Variants in PRRC1 observed in about 807,000 individuals in gnomAD.
The protein encoded by PRRC1 is protein PRRC1.
Under a neutral mutation model 40.7 loss-of-function variants are expected in PRRC1, and 39 were observed. The ratio of observed to expected loss-of-function variants is 0.96; its 90% CI spans 0.74 to 1.25. The LOEUF (loss-of-function observed/expected upper bound fraction) is 1.25. PRRC1 is among the 50% of genes most tolerant of loss of function. The pLI, the probability that PRRC1 is intolerant of heterozygous loss-of-function variation, is 0.00. For synonymous variants in PRRC1, 175 were observed against 193.3 expected, an observed-to-expected ratio of 0.91 and a Z score of 0.79; for missense variants, 573 against 548.3, an observed-to-expected ratio of 1.05 and a Z score of -0.45.
Position 127,553,821 on chromosome 5 carries a change from A to G in PRRC1, c.*1905A>G, listed in dbSNP as rs1768455724. The G allele has an allele frequency of 1.3e-6, 2 of 1,535,584 alleles. No homozygotes were observed. Among genetic ancestry groups the G allele is most frequent in the African/African-American group, 1.4e-5 (1 of 73,020 alleles). On this transcript the variant is annotated 3_prime_UTR_variant, in exon 9 of 9. Transcript: ENST00000296666. ...GATGATTATTTTCCTAGAATCCCCA[A>G]AGAGCAGTGGCAGTCCATGGCTTGG... is the stretch of plus-strand genomic sequence containing the variant.
rs1371092619 is a variant in PRRC1 at position 127,532,169 on chromosome 5, T to G, written c.758-1454T>G. Among the ~76,000 whole-genome samples the G allele has an allele frequency of 4.6e-5, 7 of 150,888 alleles. No homozygotes were observed. The East Asian group carries it at 1.4e-3, about 30-fold the overall frequency. On this transcript the variant is annotated intron_variant, in intron 5 of 8. Coordinates refer to ENST00000296666, the MANE Select transcript of PRRC1 (RefSeq NM_130809.5). The stretch of plus-strand genomic sequence containing the variant: ...CTACCGCCAGGCTGGAGTGCAGTGG[T>G]GCAATCTCAGCTCACTGCAACCTCT...
chr5:127,523,624 T>C, intron 2 of PRRC1, 42 bp downstream of exon 2: 1 of 1,198,580 alleles, frequency 8.3e-7, no homozygotes, highest in Non-Finnish European at 1.2e-6. Flanking sequence ...TTGAGAATAG[T>C]GAAGATACTA....
chr5:127,523,639 C>A, intron 2 of PRRC1, 57 bp downstream of exon 2: 2 of 1,035,430 alleles, frequency 1.9e-6, no homozygotes, highest in Non-Finnish European at 2.8e-6. Flanking sequence ...ATACTATCAT[C>A]TTTTCTCAGA....
At chr5:127,523,898 C>T (rs1305328734) in intron 2 of PRRC1, 10 of 196,164 alleles carry the variant, frequency 5.1e-5, no homozygotes, top group Admixed American at 1.1e-4. Context: ...TTTTTTGAGA[C>T]GGAGTTTCAC....
At position 127,526,747 on chromosome 5, in the gene PRRC1, C is replaced by A; in HGVS notation, c.623C>A (p.Ala208Glu). The stretch of plus-strand genomic sequence containing the variant: ...AGAATTACTAGAGGTCAGGATGAAG[C>A]ATCTGCTGGTGGAATCTGGGGTTTT... ...DPRITRGQDE[A>E]SAGGIWGFIK... The change falls in exon 4 of 9, where the codon GCA becomes GAA. Residue 208 changes from alanine (A) to glutamate (E), a missense_variant. Transcript: ENST00000296666. 6.2e-7 allele frequency: 1 copy of A among 1,609,188 alleles called. No homozygotes were observed. The highest frequency in any genetic ancestry group is 8.5e-7 in the Non-Finnish European group (1 of 1,177,688).
intron 1 of PRRC1, 39 bp from the exon 2 acceptor site, chr5:127,523,421 T>A: frequency 2.0e-6 from 2 of 975,772 alleles, no homozygotes; most frequent in Non-Finnish European, 3.0e-6. Context: ...ATACTTTTGG[T>A]TACTGTGTAA....
chr5:127,538,128 G>A (rs1236891443), intron 6 of PRRC1, among the ~76,000 whole-genome samples: 1 of 151,942 alleles, frequency 6.6e-6, no homozygotes, highest in East Asian at 1.9e-4. Flanking sequence ...ATCTTTACAA[G>A]CTAGTATCTT....
chr5:127,520,618 A>G (rs1036060470), intron 1 of PRRC1, among the ~76,000 whole-genome samples: 3 of 152,230 alleles, frequency 2.0e-5, no homozygotes, highest in African/African-American at 7.2e-5. Flanking sequence ...AGAAAGTGAT[A>G]GAAAACAGAG....
chr5:127,528,052 G>A lies in PRRC1; in HGVS notation c.654+1274G>A, dbSNP rs76785268. 6.9e-4 allele frequency among the ~76,000 whole-genome samples: 105 copies of A among 152,146 alleles called. No individual in the cohort carries two copies. In the East Asian group the frequency reaches 0.017, roughly 24 times the overall value. ...TGCTACTGAATTTGAACATTTTCTC[G>A]TATGATTTTTAGCCATTTGTATTCT... On this transcript the variant is annotated intron_variant, in intron 4 of 8. Coordinates refer to ENST00000296666, the MANE Select transcript of PRRC1 (RefSeq NM_130809.5).
At position 127,533,649 on chromosome 5, in the gene PRRC1, G is replaced by A. The variant is rs769000472; in HGVS notation, c.784G>A (p.Val262Met). 2 of 1,614,034 alleles carry A rather than the reference G, an allele frequency of 1.2e-6. No individual in the cohort carries two copies. Among genetic ancestry groups the A allele is most frequent in the Non-Finnish European group, 1.7e-6 (2 of 1,179,932 alleles). ...ATCTGGAGGTGAACTGGATATTGTA[G>A]TGACCTCAAATAAAGAAGTAAAAGT... ...IKSGGELDIV[V>M]TSNKEVKVAA... Residue 262 changes from valine to methionine, a missense_variant, in exon 6 of 9, where the codon GTG becomes ATG. Transcript: ENST00000296666.
chr5:127,553,491 T>G lies in PRRC1; in HGVS notation c.*1575T>G. The G allele has an allele frequency of 8.8e-7, 1 of 1,142,726 alleles. No homozygotes were observed. Among genetic ancestry groups the G allele is most frequent in the Non-Finnish European group, 1.1e-6 (1 of 925,262 alleles). 70.8% of individuals were successfully genotyped at this position (1,142,726 alleles called of 1,614,324 possible). On this transcript the variant is annotated 3_prime_UTR_variant, in exon 9 of 9. Transcript: ENST00000296666. ...ACAGGGACAGAATACTTTCTTTCTT[T>G]CCTTCAAGTACAAGAAGGCTTTCTC...
intron 5 of PRRC1, among the ~76,000 whole-genome samples, chr5:127,533,200 C>T (rs969645517): frequency 2.0e-5 from 3 of 151,894 alleles, no homozygotes; most frequent in Non-Finnish European, 2.9e-5. Context: ...GCTTGATGAC[C>T]CCATATTTAA....
intron 6 of PRRC1, among the ~76,000 whole-genome samples, chr5:127,534,476 C>T (rs948515302): frequency 3.2e-4 from 49 of 152,224 alleles, no homozygotes; most frequent in African/African-American, 9.2e-4. Flanking sequence ...CTTTCAGGCT[C>T]GTGCTAATGT....
chr5:127,543,744 C>G (rs1348317524), intron 7 of PRRC1, among the ~76,000 whole-genome samples: 1 of 152,188 alleles, frequency 6.6e-6, no homozygotes, highest in East Asian at 1.9e-4. Context: ...AAGCACTTCT[C>G]TGTATTGGTT....
chr5:127,545,277 C>T (rs1223126199), intron 7 of PRRC1, among the ~76,000 whole-genome samples: 2 of 151,820 alleles, frequency 1.3e-5, no homozygotes, highest in African/African-American at 4.8e-5. Flanking sequence ...CCCAGCCATC[C>T]CATTACTGGG....
intron 7 of PRRC1, among the ~76,000 whole-genome samples, chr5:127,541,011 G>A (rs955837975): frequency 6.6e-6 from 1 of 152,062 alleles, no homozygotes; most frequent in South Asian, 2.1e-4. Context: ...CTGTGGGTTT[G>A]TCATAGATAG....
At position 127,551,780 on chromosome 5, in the gene PRRC1, A is replaced by G; in HGVS notation, c.1202A>G (p.Glu401Gly). 1.2e-6 allele frequency: 2 copies of G among 1,614,108 alleles called. No individual in the cohort carries two copies. The highest frequency in any genetic ancestry group is 1.7e-6 in the Non-Finnish European group (2 of 1,179,982). Reference sequence around the variant, plus strand: ...TTGGTGACAGTGGGTGAAGTCCTGGAAAAGAGTTTACTGAATGTCAGCCGG... The same window carrying G: ...TTGGTGACAGTGGGTGAAGTCCTGGGAAAGAGTTTACTGAATGTCAGCCGG... ...GLLVTVGEVL[E>G]KSLLNVSRTD... is the part of the protein sequence containing the mutation. Residue 401 changes from glutamate to glycine, a missense_variant, in exon 9 of 9, where the codon GAA (glutamate) becomes GGA (glycine). Physicochemically the swap from Glu to Gly is moderately conservative, Grantham distance 98 (BLOSUM62 -2). Coordinates refer to ENST00000296666, the MANE Select transcript of PRRC1 (RefSeq NM_130809.5).
At chr5:127,520,215 C>T (rs1056054524) in intron 1 of PRRC1, among the ~76,000 whole-genome samples, 6 of 152,180 alleles carry the variant, frequency 3.9e-5, no homozygotes, top group African/African-American at 9.7e-5. Flanking sequence ...TAAAAAATGT[C>T]TTGGACATTG....
chr5:127,535,968 A>G (rs1233864628), intron 6 of PRRC1, among the ~76,000 whole-genome samples: 1 of 152,164 alleles, frequency 6.6e-6, no homozygotes, highest in African/African-American at 2.4e-5. Context: ...ACACATATGC[A>G]TACTCACATA....
Sources: gnomAD v4.1 joint callset for allele counts (sites outside exome capture counted in the v4.1 genomes callset) on GRCh38, gnomAD v4.1.1 for gene constraint, MANE v1.5 for transcripts, NCBI Gene and HGNC (gene_info 2026-07-23, HGNC 2026-07-21) for gene names.